PNPLA7: variants seen among roughly 807,000 people sequenced by gnomAD.
PNPLA7 encodes the protein patatin like domain 7, lysophospholipase.
Under a neutral mutation model 161.7 loss-of-function variants are expected in PNPLA7, and 153 were observed. The observed-to-expected ratio is 0.95, with a 90% confidence interval of 0.83 to 1.08. PNPLA7 has a LOEUF of 1.08. Among genes scored for constraint, PNPLA7 ranks in the 50% least tolerant of loss-of-function variants. PNPLA7 has a pLI of 0.00. For missense variants in PNPLA7, 1,739 were observed against 1,856.6 expected, an observed-to-expected ratio of 0.94 and a Z score of 1.16; for synonymous variants, 809 against 782.1, an observed-to-expected ratio of 1.03 and a Z score of -0.57.
chr9:137,479,533 T>C (rs1319157654), intron 23 of PNPLA7: 1 of 1,132,298 alleles, frequency 8.8e-7, no homozygotes, highest in Non-Finnish European at 1.1e-6. Flanking sequence ...CCAAATGAGG[T>C]ATTTTGCAAA....
chr9:137,505,118 G>C (rs1246321254), intron 14 of PNPLA7, among the ~76,000 whole-genome samples: 1 of 148,496 alleles, frequency 6.7e-6, no homozygotes, highest in Non-Finnish European at 1.5e-5. Flanking sequence ...AATCCAAGAG[G>C]TGGAGGTTGC....
intron 32 of PNPLA7, 81 bp from the exon 33 acceptor site, chr9:137,461,701 A>T: frequency 7.1e-7 from 1 of 1,405,426 alleles, no homozygotes. Context: ...GGGAGGCCCC[A>T]CCCACCCTGC....
chr9:137,536,069 C>T (rs1259224728), intron 8 of PNPLA7, among the ~76,000 whole-genome samples: 5 of 149,476 alleles, frequency 3.3e-5, no homozygotes, highest in Admixed American at 6.7e-5. Flanking sequence ...AGGAGAATGG[C>T]GTGAACCCAG....
In PNPLA7 at chr9:137,521,525, G is replaced by T. The variant is rs749454324; in HGVS notation, c.957+111C>A. 1.6e-5 allele frequency: 16 copies of T among 1,014,520 alleles called. No homozygotes were observed. In the East Asian group the frequency reaches 2.0e-4, roughly 13 times the overall value. The allele number at this position is 1,014,520 out of a possible 1,614,324, so 62.8% of individuals were successfully genotyped here. On this transcript the variant is annotated intron_variant, in intron 10 of 34. Transcript: ENST00000406427. ...ACCAGCAACTGGGAAGACCACAGCTGTTGCTGGCACTGCCCCACCAGGCAC... is the reference window on the plus strand; with the variant it reads ...ACCAGCAACTGGGAAGACCACAGCTTTTGCTGGCACTGCCCCACCAGGCAC...
At position 137,462,634 on chromosome 9, in the gene PNPLA7, G is replaced by T. The variant is rs369324475; in HGVS notation, c.3492+51C>A. ...TCCCCTGCCGCAGGACAGGTGTGGA[G>T]CTGCAGGGAGGAGCAGCAGGGACAG... On this transcript the variant is annotated intron_variant, in intron 30 of 34. Transcript: ENST00000406427. The T allele has an allele frequency of 6.0e-4, 951 of 1,597,884 alleles. 5 individuals are homozygous for T. The highest frequency in any genetic ancestry group is 2.4e-4 in the Non-Finnish European group (282 of 1,171,032).
intron 24 of PNPLA7, 78 bp downstream of exon 24, chr9:137,478,978 G>T (rs939992263): frequency 1.4e-6 from 2 of 1,438,754 alleles, no homozygotes; most frequent in African/African-American, 2.8e-5. Flanking sequence ...ATCAGGTGGG[G>T]AATGTGAAGA....
chr9:137,460,719 G>C lies in PNPLA7; in HGVS notation c.3860C>G (p.Thr1287Arg), dbSNP rs145220396. Residue 1287 changes from threonine (T) to arginine (R), a missense_variant, in exon 34 of 35, where the codon ACG becomes AGG. Physicochemically the swap from Thr to Arg is moderately conservative, Grantham distance 71. Coordinates refer to ENST00000406427, the MANE Select transcript of PNPLA7 (RefSeq NM_001098537.3). ...GTCCAGCAGCTCCTCCTCGTACTCC[G>C]TCTGGTAGTCAGATTCGTCTGGCAC... ...AMVDDESDYQ[T>R]EYEEELLDVP... 1 of 1,612,600 alleles carries C rather than the reference G, an allele frequency of 6.2e-7. No homozygotes were observed. Among genetic ancestry groups the C allele is most frequent in the African/African-American group, 1.3e-5 (1 of 74,932 alleles).
chr9:137,475,997 A>C (rs1183857686), intron 25 of PNPLA7, among the ~76,000 whole-genome samples: 1 of 152,246 alleles, frequency 6.6e-6, no homozygotes, highest in African/African-American at 2.4e-5. Flanking sequence ...CCAATAAAGA[A>C]GACATGAAAT....
At chr9:137,522,953 G>C in intron 8 of PNPLA7, 96 bp from the exon 9 acceptor site, 2 of 1,525,742 alleles carry the variant, frequency 1.3e-6, no homozygotes, top group African/African-American at 1.4e-5. Context: ...GGCCCCGCCT[G>C]CTGCCCAGTC....
At chr9:137,478,888 C>A (rs1832068109) in intron 24 of PNPLA7, 168 bp downstream of exon 24, 2 of 1,030,936 alleles carry the variant, frequency 1.9e-6, no homozygotes, top group African/African-American at 3.3e-5. Context: ...ACCAGAGGCC[C>A]AAAGGGCAAG....
intron 20 of PNPLA7, chr9:137,492,411 TAC>T (rs906993549): frequency 6.3e-6 from 3 of 473,312 alleles, no homozygotes; most frequent in African/African-American, 4.4e-5. Flanking sequence ...CACATTGAGA[TAC>T]AGTTTGAAAA....
In PNPLA7 at chr9:137,543,609, G is replaced by A. The variant is rs367631011; in HGVS notation, c.366-37C>T. The A allele has an allele frequency of 1.3e-4, 204 of 1,606,120 alleles. No homozygotes were observed. The highest frequency in any genetic ancestry group is 1.2e-3 in the Middle Eastern group (7 of 6,020). ...AGACACACTAGCCTTGAGCAGACCA[G>A]GCGGGTTCGAAACCCACAGCATCAG... is the stretch of plus-strand genomic sequence containing the variant. On this transcript the variant is annotated intron_variant, in intron 5 of 34. Coordinates refer to ENST00000406427, the MANE Select transcript of PNPLA7 (RefSeq NM_001098537.3). The surrounding 1 kb of genome is among the most constrained non-coding windows in gnomAD (Gnocchi z 6.9).
At chr9:137,503,982 GAAGA>G (rs1244389915) in intron 14 of PNPLA7, among the ~76,000 whole-genome samples, 27 of 91,614 alleles carry the variant, frequency 2.9e-4, no homozygotes, top group African/African-American at 7.7e-4. Flanking sequence ...GAAGAAGGAA[GAAGA>G]AAGAAGCAAG....
intron 20 of PNPLA7, 54 bp from the exon 21 acceptor site, chr9:137,484,790 C>T (rs994684103): frequency 6.6e-7 from 1 of 1,514,972 alleles, no homozygotes; most frequent in Non-Finnish European, 8.9e-7. Flanking sequence ...TCACAGATGC[C>T]TCCAGATGCC....
In PNPLA7 at chr9:137,515,637, G is replaced by T. The variant is rs533925088; in HGVS notation, c.1085-118C>A. ...CACAGTGCCCTGCGCACCTGAACGC[G>T]CTCTGGACCAGCCCACCGGCCACCA... On this transcript the variant is annotated intron_variant, in intron 11 of 34. Coordinates refer to ENST00000406427, the MANE Select transcript of PNPLA7 (RefSeq NM_001098537.3). 646 of 1,285,144 alleles carry T rather than the reference G, an allele frequency of 5.0e-4. 14 individuals carry two copies. In the South Asian group the frequency reaches 9.2e-3, roughly 18 times the overall value. 79.6% of individuals were successfully genotyped at this position (1,285,144 alleles called of 1,614,324 possible).
intron 12 of PNPLA7, among the ~76,000 whole-genome samples, chr9:137,514,682 A>C (rs10867112): frequency 0.4 from 37,518 of 94,826 alleles, 5,531 homozygotes; most frequent in East Asian, 0.62. Context: ...GCTGGGCTGC[A>C]GGCGGGTCAC....
intron 13 of PNPLA7, 76 bp downstream of exon 13, chr9:137,505,907 G>C: frequency 6.5e-7 from 1 of 1,535,212 alleles, no homozygotes; most frequent in South Asian, 1.2e-5. Flanking sequence ...AAAGCCGGCG[G>C]CGCCCCCAAT....
intron 20 of PNPLA7, among the ~76,000 whole-genome samples, chr9:137,489,094 C>T (rs753715973): frequency 7.3e-5 from 11 of 151,622 alleles, no homozygotes; most frequent in Non-Finnish European, 1.3e-4. Context: ...GCAGACATCC[C>T]CCCAACTGTG....
chr9:137,501,635 C>CCA lies in PNPLA7; in HGVS notation c.1551+14_1551+15insTG. 1 of 1,610,466 alleles carries CCA rather than the reference C, an allele frequency of 6.2e-7. No homozygotes were observed. The highest frequency in any genetic ancestry group is 1.1e-5 in the South Asian group (1 of 90,610). On this transcript the variant is annotated intron_variant, in intron 15 of 34. Transcript: ENST00000406427. ...ATTGGGTGGTCCCAGTGCCCCCCCC[C>CCA]AGACCCCCGCTCACCTGGTCTCCCT...
Sources: allele counts gnomAD v4.1 joint callset (sites outside exome capture counted in the v4.1 genomes callset), GRCh38; gene constraint gnomAD v4.1.1; non-coding constraint Gnocchi (gnomAD v3.1); transcripts MANE v1.5; gene names NCBI Gene and HGNC (gene_info 2026-07-23, HGNC 2026-07-21).